The following MYO1H variants were observed in gnomAD, a reference collection of about 807,000 sequenced individuals.
MYO1H encodes myosin IH.
Under a neutral mutation model 149.3 loss-of-function variants are expected in MYO1H, and 118 were observed. That is an observed-to-expected ratio of 0.79 (90% CI 0.68 to 0.92). The LOEUF is 0.92. Ranked by LOEUF, MYO1H falls within the 40% of genes least tolerant of loss-of-function variation. The pLI, the probability that MYO1H is intolerant of heterozygous loss-of-function variation, is 0.00. For synonymous variants in MYO1H, 447 were observed against 465.2 expected, an observed-to-expected ratio of 0.96 and a Z score of 0.50; for missense variants, 1,212 against 1,280.7, an observed-to-expected ratio of 0.95 and a Z score of 0.82.
the MYO1H span, among the ~76,000 whole-genome samples, chr12:109,329,147 C>T: frequency 2.0e-5 from 3 of 151,028 alleles, no homozygotes; most frequent in Non-Finnish European, 4.4e-5. Context: ...TTCTGTTCCA[C>T]GTGTTTATTG....
intron 18 of MYO1H, 74 bp downstream of exon 18, chr12:109,426,125 G>T: frequency 9.8e-7 from 1 of 1,018,108 alleles, no homozygotes; most frequent in Admixed American, 1.9e-5. Context: ...CAGTGGGTTG[G>T]GATCCTAAAC....
chr12:109,368,055 G>A (rs1192604272), intron 1 of MYO1H, among the ~76,000 whole-genome samples: 1 of 152,106 alleles, frequency 6.6e-6, no homozygotes, highest in Non-Finnish European at 1.5e-5. Flanking sequence ...TGCTAAGTAA[G>A]CTCTCCAAAT....
At chr12:109,370,256 C>A (rs1868954474) in intron 1 of MYO1H, among the ~76,000 whole-genome samples, 1 of 152,192 alleles carries the variant, frequency 6.6e-6, no homozygotes, top group Non-Finnish European at 1.5e-5. Flanking sequence ...ATGCCCTTGT[C>A]TACATGCGAC....
At chr12:109,321,236 C>A in the MYO1H span, among the ~76,000 whole-genome samples, 1 of 152,120 alleles carries the variant, frequency 6.6e-6, no homozygotes. Flanking sequence ...GCCAGGGATT[C>A]TGCTCTAGAC....
intron 16 of MYO1H, 51 bp from the exon 17 acceptor site, chr12:109,424,697 G>C (rs1021468237): frequency 4.1e-6 from 6 of 1,459,240 alleles, no homozygotes; most frequent in Non-Finnish European, 5.7e-6. Context: ...TGACAGCCCT[G>C]TAGTGATTTC....
At chr12:109,330,083 C>A in the MYO1H span, among the ~76,000 whole-genome samples, 2 of 152,086 alleles carry the variant, frequency 1.3e-5, no homozygotes, top group Non-Finnish European at 2.9e-5. Flanking sequence ...TCAATCAAAT[C>A]GGGAGTCTAG....
intron 1 of MYO1H, among the ~76,000 whole-genome samples, chr12:109,367,395 C>T (rs1218959889): frequency 2.6e-5 from 4 of 152,118 alleles, no homozygotes; most frequent in Non-Finnish European, 5.9e-5. Flanking sequence ...GGGAATGCTT[C>T]CATCTCCAGC....
intron 1 of MYO1H, among the ~76,000 whole-genome samples, chr12:109,361,692 C>T (rs933787107): frequency 1.3e-5 from 2 of 151,854 alleles, no homozygotes; most frequent in African/African-American, 4.8e-5. Context: ...CCTGCATGGT[C>T]CCAGCTACTT....
At chr12:109,315,837 C>A in the MYO1H span, among the ~76,000 whole-genome samples, 1 of 152,170 alleles carries the variant, frequency 6.6e-6, no homozygotes, top group African/African-American at 2.4e-5. Context: ...GTGTTGCTAT[C>A]AAAATTTCAA....
intron 1 of MYO1H, among the ~76,000 whole-genome samples, chr12:109,375,156 ATTTT>A (rs71079553): frequency 8.0e-6 from 1 of 124,262 alleles, no homozygotes. Flanking sequence ...TGCCCGGCGG[ATTTT>A]TTTTTTTTTT....
chr12:109,337,750 T>G, the MYO1H span, among the ~76,000 whole-genome samples: 1 of 152,014 alleles, frequency 6.6e-6, no homozygotes, highest in African/African-American at 2.4e-5. Context: ...ATCATAGGGG[T>G]TTGACTTCTG....
intron 6 of MYO1H, among the ~76,000 whole-genome samples, chr12:109,402,321 C>T (rs550812701): frequency 6.6e-6 from 1 of 152,188 alleles, no homozygotes; most frequent in African/African-American, 2.4e-5. Context: ...TCTCACTTGG[C>T]CTGGCTTTGA....
chr12:109,333,039 G>T, the MYO1H span, among the ~76,000 whole-genome samples: 1 of 152,148 alleles, frequency 6.6e-6, no homozygotes, highest in African/African-American at 2.4e-5. Context: ...ATGTAAAAAC[G>T]CCGGGTGCCA....
At chr12:109,443,262 G>A (rs140734263) in intron 27 of MYO1H, among the ~76,000 whole-genome samples, 3 of 69,306 alleles carry the variant, frequency 4.3e-5, no homozygotes, top group Non-Finnish European at 6.0e-5. Context: ...ATATGTGTAC[G>A]TATATGTGTG....
chr12:109,339,065 TAAA>T, the MYO1H span, among the ~76,000 whole-genome samples: 2 of 152,068 alleles, frequency 1.3e-5, no homozygotes, highest in Admixed American at 1.3e-4. Context: ...TGCTTCTCAT[TAAA>T]AAATTAACAT....
chr12:109,442,219 G>A, exon 27 of MYO1H: 1 of 1,613,564 alleles, frequency 6.2e-7, no homozygotes, highest in South Asian at 1.1e-5. Flanking sequence ...CTCTCTAGAT[G>A]AAGGAGACAT....
In MYO1H at chr12:109,388,701, AAACAC is replaced by A; in HGVS notation, c.33_37del (p.Lys11AsnfsTer80). On this transcript the variant is annotated frameshift_variant, in exon 2 of 32. Coordinates refer to ENST00000310903, the Ensembl canonical transcript of MYO1H. LOFTEE classifies it high-confidence loss of function. Reference sequence around the variant, plus strand: ...CCCGTAGAAAGAAGACGTGAGGAGGAAACACATCCGTCTGCACATGGAAGGGGCGC... The same window carrying A: ...CCCGTAGAAAGAAGACGTGAGGAGGAATCCGTCTGCACATGGAAGGGGCGC... The A allele has an allele frequency of 1.9e-6, 3 of 1,586,108 alleles. No homozygotes were observed. The highest frequency in any genetic ancestry group is 2.6e-6 in the Non-Finnish European group (3 of 1,164,908).
At chr12:109,404,077 C>T (rs1870275732) in exon 7 of MYO1H, 2 of 1,611,728 alleles carry the variant, frequency 1.2e-6, no homozygotes, top group Non-Finnish European at 1.7e-6. Flanking sequence ...AAGCTGACCT[C>T]GAGGTACGTG....
the MYO1H span, among the ~76,000 whole-genome samples, chr12:109,333,059 C>T: frequency 6.6e-6 from 1 of 152,150 alleles, no homozygotes; most frequent in Non-Finnish European, 1.5e-5. Flanking sequence ...ATGGCTCACA[C>T]CTGTAATCCC....
Sources: gnomAD v4.1 joint callset for allele counts (sites outside exome capture counted in the v4.1 genomes callset) on GRCh38, gnomAD v4.1.1 for gene constraint, MANE v1.5 for transcripts, NCBI Gene and HGNC (gene_info 2026-07-23, HGNC 2026-07-21) for gene names.